The following CAST variants were observed in gnomAD, a reference collection of about 807,000 sequenced individuals.
CAST encodes MIR583 host.
Under a neutral mutation model 119.6 loss-of-function variants are expected in CAST, and 76 were observed. The ratio of observed to expected loss-of-function variants is 0.64; its 90% CI spans 0.53 to 0.77. CAST has a LOEUF of 0.77. Ranked by LOEUF, CAST falls within the 30% of genes least tolerant of loss-of-function variation. The probability of loss-of-function intolerance (pLI) is 0.00; values close to 1 mark genes in which losing one functional copy is unlikely to be tolerated. For missense variants in CAST, 953 were observed against 946.5 expected, an observed-to-expected ratio of 1.01 and a Z score of -0.09; for synonymous variants, 319 against 331.6, an observed-to-expected ratio of 0.96 and a Z score of 0.41.
chr5:96,030,511 G>T, the CAST span, among the ~76,000 whole-genome samples: 1 of 152,140 alleles, frequency 6.6e-6, no homozygotes, highest in African/African-American at 2.4e-5. Context: ...GACTGGTAGG[G>T]ATAGGCTCAT....
the CAST span, among the ~76,000 whole-genome samples, chr5:96,303,682 T>G: frequency 6.6e-6 from 1 of 151,998 alleles, no homozygotes; most frequent in Admixed American, 6.6e-5. Flanking sequence ...CTCCCATTTA[T>G]GAGTGAGAAC....
the CAST span, among the ~76,000 whole-genome samples, chr5:96,053,223 C>T: frequency 6.6e-6 from 1 of 152,190 alleles, no homozygotes; most frequent in Non-Finnish European, 1.5e-5. Context: ...GTCCTACTCC[C>T]AGAGATTCTG....
the CAST span, chr5:96,412,366 C>A: frequency 6.2e-7 from 1 of 1,614,068 alleles, no homozygotes; most frequent in Non-Finnish European, 8.5e-7. Flanking sequence ...GGCCAGGCCC[C>A]TCCACAGTTT....
the CAST span, among the ~76,000 whole-genome samples, chr5:96,449,174 G>T: frequency 6.6e-6 from 1 of 152,120 alleles, no homozygotes; most frequent in African/African-American, 2.4e-5. Context: ...ATGCAGTCTT[G>T]CCATCCACAG....
At chr5:96,463,070 A>T in the CAST span, among the ~76,000 whole-genome samples, 139 of 152,250 alleles carry the variant, frequency 9.1e-4, no homozygotes, top group Non-Finnish European at 1.5e-3. Context: ...GATAACGTGT[A>T]TCTAAGATAT....
At chr5:96,647,719 G>A (rs1748034080) in intron 1 of CAST, among the ~76,000 whole-genome samples, 1 of 152,118 alleles carries the variant, frequency 6.6e-6, no homozygotes, top group Non-Finnish European at 1.5e-5. Context: ...TGTGAGAGTG[G>A]AATTACACTG....
intron 1 of CAST, among the ~76,000 whole-genome samples, chr5:96,598,917 A>G (rs1747098604): frequency 1.3e-5 from 2 of 152,122 alleles, no homozygotes; most frequent in Admixed American, 1.3e-4. Context: ...TCAAACTGAA[A>G]CACTGGCTCT....
At chr5:96,313,701 C>T in the CAST span, among the ~76,000 whole-genome samples, 3 of 152,140 alleles carry the variant, frequency 2.0e-5, no homozygotes, top group South Asian at 6.2e-4. Flanking sequence ...AACTGCCAAA[C>T]ATTTTCCCAA....
the CAST span, among the ~76,000 whole-genome samples, chr5:96,140,468 T>A: frequency 6.6e-6 from 1 of 152,234 alleles, no homozygotes; most frequent in African/African-American, 2.4e-5. Context: ...TTCATTTGCT[T>A]TCATTACTTA....
the CAST span, among the ~76,000 whole-genome samples, chr5:96,014,225 G>A: frequency 6.6e-6 from 1 of 151,062 alleles, no homozygotes; most frequent in African/African-American, 2.4e-5. Flanking sequence ...CCTACACGGG[G>A]TCAGGATCAT....
chr5:96,431,596 CAA>C, the CAST span, among the ~76,000 whole-genome samples: 3 of 152,198 alleles, frequency 2.0e-5, no homozygotes, highest in African/African-American at 7.2e-5. Context: ...TGGCCAAAAG[CAA>C]AAGACTCATC....
chr5:96,600,082 G>A (rs1196383999), intron 1 of CAST, among the ~76,000 whole-genome samples: 1 of 152,018 alleles, frequency 6.6e-6, no homozygotes, highest in Non-Finnish European at 1.5e-5. Context: ...GAAGTGTACT[G>A]GTAGTGGTTT....
intron 2 of CAST, among the ~76,000 whole-genome samples, chr5:96,678,763 C>T (rs1251887105): frequency 6.6e-6 from 1 of 152,008 alleles, no homozygotes; most frequent in African/African-American, 2.4e-5. Flanking sequence ...AGGAGAATCA[C>T]TTGAACCCGG....
chr5:96,299,163 T>C, the CAST span, among the ~76,000 whole-genome samples: 1 of 151,976 alleles, frequency 6.6e-6, no homozygotes, highest in African/African-American at 2.4e-5. Flanking sequence ...TAGAATTGCT[T>C]GAACCCGGGA....
chr5:96,268,036 CT>C, the CAST span, among the ~76,000 whole-genome samples: 1,075 of 152,110 alleles, frequency 7.1e-3, 10 homozygotes, highest in African/African-American at 0.025. Context: ...TATAAGATGT[CT>C]TTTTGTAAGC....
chr5:96,290,443 CT>C, the CAST span, among the ~76,000 whole-genome samples: 10 of 150,454 alleles, frequency 6.6e-5, no homozygotes, highest in African/African-American at 2.0e-4. Context: ...AGCAATTCCC[CT>C]TTTATTTTCT....
intron 1 of CAST, among the ~76,000 whole-genome samples, chr5:96,535,996 CTA>C (rs1459546822): frequency 1.4e-5 from 2 of 143,040 alleles, no homozygotes; most frequent in Non-Finnish European, 1.5e-5. Context: ...AATCTTTTAA[CTA>C]TATGTTAAAT....
the CAST span, among the ~76,000 whole-genome samples, chr5:96,472,400 G>A: frequency 3.3e-5 from 5 of 152,098 alleles, no homozygotes; most frequent in Non-Finnish European, 7.4e-5. Context: ...TGATTGATTG[G>A]TTAACTGATT....
the CAST span, among the ~76,000 whole-genome samples, chr5:96,503,704 T>C: frequency 2.0e-5 from 3 of 152,168 alleles, no homozygotes; most frequent in African/African-American, 7.2e-5. Context: ...CTCCTTCTGA[T>C]AGTCTCACTT....
Sources: gnomAD v4.1 joint callset for allele counts (sites outside exome capture counted in the v4.1 genomes callset) on GRCh38, gnomAD v4.1.1 for gene constraint, MANE v1.5 for transcripts, NCBI Gene and HGNC (gene_info 2026-07-23, HGNC 2026-07-21) for gene names.